The following RTP2 variants were observed in gnomAD, a reference collection of about 807,000 sequenced individuals.
RTP2 encodes receptor-transporting protein 2.
In RTP2, 12 loss-of-function variants were observed where a neutral mutation model predicts 17.9. The ratio of observed to expected loss-of-function variants is 0.67; its 90% CI spans 0.43 to 1.09. The LOEUF is 1.09. RTP2 is among the 50% of genes least tolerant of loss of function. The pLI is 0.00. For synonymous variants in RTP2, 126 were observed against 117.7 expected (o/e 1.07, Z -0.46); for missense variants, 327 against 295.7 (o/e 1.11, Z -0.78).
chr3:187,701,873 G>GCCTGCT, intron 1 of RTP2, 92 bp downstream of exon 1: 3 of 1,183,644 alleles, frequency 2.5e-6, no homozygotes, highest in Non-Finnish European at 3.5e-6. Flanking sequence ...ACCAGAATAA[G>GCCTGCT]CCCGCGACTG....
At chr3:187,705,511 A>G (rs1337894393), upstream of RTP2, among the ~76,000 whole-genome samples, 1 of 152,214 alleles carries the variant, frequency 6.6e-6, no homozygotes, top group Non-Finnish European at 1.5e-5. Context: ...TTCCTTTTAA[A>G]CACACATTTA....
chr3:187,714,297 T>C, the RTP2 span, among the ~76,000 whole-genome samples: 1 of 152,148 alleles, frequency 6.6e-6, no homozygotes, highest in East Asian at 1.9e-4. Flanking sequence ...ATATAACCCC[T>C]TACCTTTTCG....
At chr3:187,704,869 A>C (rs912815667), upstream of RTP2, among the ~76,000 whole-genome samples, 3 of 152,182 alleles carry the variant, frequency 2.0e-5, no homozygotes, top group Non-Finnish European at 4.4e-5. Flanking sequence ...ATGGCTCTCT[A>C]ATAGTGGCAC....
At chr3:187,707,922 C>G in the RTP2 span, among the ~76,000 whole-genome samples, 1 of 152,138 alleles carries the variant, frequency 6.6e-6, no homozygotes, top group African/African-American at 2.4e-5. Context: ...CAAAAGTGTT[C>G]TCTAGGGAGA....
chr3:187,701,189 C>G (rs899050543), intron 1 of RTP2, among the ~76,000 whole-genome samples: 1 of 152,152 alleles, frequency 6.6e-6, no homozygotes, highest in Non-Finnish European at 1.5e-5. Flanking sequence ...TAGTCCCAGT[C>G]CCCAATCATG....
upstream of RTP2, among the ~76,000 whole-genome samples, chr3:187,703,101 G>A (rs1202696756): frequency 6.6e-6 from 1 of 152,204 alleles, no homozygotes; most frequent in African/African-American, 2.4e-5. Flanking sequence ...AACCAGAGGG[G>A]AATCTGACTT....
chr3:187,705,141 A>G (rs1717959629), upstream of RTP2, among the ~76,000 whole-genome samples: 1 of 152,136 alleles, frequency 6.6e-6, no homozygotes, highest in Non-Finnish European at 1.5e-5. Flanking sequence ...AAAAAGACAG[A>G]TAGAAATAGG....
At chr3:187,702,727 C>T (rs1717885743), upstream of RTP2, among the ~76,000 whole-genome samples, 1 of 152,330 alleles carries the variant, frequency 6.6e-6, no homozygotes, top group East Asian at 1.9e-4. Flanking sequence ...CTAAGTGGCT[C>T]ATCCAAGATT....
the RTP2 span, among the ~76,000 whole-genome samples, chr3:187,710,097 A>C: frequency 6.6e-6 from 1 of 152,156 alleles, no homozygotes; most frequent in Admixed American, 6.6e-5. Flanking sequence ...CAATCCATTA[A>C]GGGCCTGAAT....
intron 1 of RTP2, among the ~76,000 whole-genome samples, 179 bp from the exon 2 acceptor site, chr3:187,699,190 C>T (rs1282139661): frequency 6.6e-6 from 1 of 152,150 alleles, no homozygotes; most frequent in African/African-American, 2.4e-5. Flanking sequence ...TCCTGGTGAG[C>T]ACCCCTGGGA....
chr3:187,703,504 T>C (rs1382120660), upstream of RTP2, among the ~76,000 whole-genome samples: 1 of 152,212 alleles, frequency 6.6e-6, no homozygotes, highest in Admixed American at 6.5e-5. Context: ...CTTTTATTTT[T>C]AAAAATCTGG....
chr3:187,699,158 A>G, intron 1 of RTP2, 147 bp from the exon 2 acceptor site: 2 of 1,017,646 alleles, frequency 2.0e-6, no homozygotes, highest in Non-Finnish European at 2.8e-6. Flanking sequence ...TAGCACTCCA[A>G]GGCCGGCCTG....
At chr3:187,704,639 T>G (rs556680164), upstream of RTP2, among the ~76,000 whole-genome samples, 12 of 152,282 alleles carry the variant, frequency 7.9e-5, no homozygotes, top group South Asian at 2.5e-3. Context: ...CCAGGACAAA[T>G]GCAAGGTGTG....
At chr3:187,703,169 G>A (rs1484420590), upstream of RTP2, among the ~76,000 whole-genome samples, 1 of 152,208 alleles carries the variant, frequency 6.6e-6, no homozygotes, top group Non-Finnish European at 1.5e-5. Flanking sequence ...CCTTGAGCAT[G>A]GAAAAGACCA....
chr3:187,709,796 G>A, the RTP2 span, among the ~76,000 whole-genome samples: 3 of 152,166 alleles, frequency 2.0e-5, no homozygotes, highest in Non-Finnish European at 4.4e-5. Flanking sequence ...GACATGCATT[G>A]GCAACATATG....
chr3:187,707,761 G>A, the RTP2 span, among the ~76,000 whole-genome samples: 2 of 152,142 alleles, frequency 1.3e-5, no homozygotes, highest in East Asian at 1.9e-4. Context: ...CTATTTAAAC[G>A]CATTGCTCTC....
the RTP2 span, among the ~76,000 whole-genome samples, chr3:187,708,249 A>G: frequency 6.6e-6 from 1 of 152,360 alleles, no homozygotes; most frequent in African/African-American, 2.4e-5. Context: ...TAGATTTTTC[A>G]TGCTATAGGA....
chr3:187,708,901 T>C, the RTP2 span, among the ~76,000 whole-genome samples: 1 of 151,858 alleles, frequency 6.6e-6, no homozygotes, highest in African/African-American at 2.4e-5. Context: ...TTTGGACTCA[T>C]ACAATCTGGC....
exon 2 of RTP2, chr3:187,698,707 C>T: frequency 6.2e-7 from 1 of 1,614,050 alleles, no homozygotes; most frequent in Non-Finnish European, 8.5e-7. Context: ...TCCTGGCAGG[C>T]CTCACAGAAC....
Sources: gnomAD v4.1 joint callset for allele counts (sites outside exome capture counted in the v4.1 genomes callset) on GRCh38, gnomAD v4.1.1 for gene constraint, MANE v1.5 for transcripts, NCBI Gene and HGNC (gene_info 2026-07-23, HGNC 2026-07-21) for gene names.